ABCB9: variants seen among roughly 807,000 people sequenced by gnomAD.
ABCB9 encodes ABC-type oligopeptide transporter ABCB9.
Under a neutral mutation model 62.0 loss-of-function variants are expected in ABCB9, and 36 were observed. The ratio of observed to expected loss-of-function variants is 0.58; its 90% CI spans 0.45 to 0.77. The LOEUF is 0.77. Among genes scored for constraint, ABCB9 ranks in the 30% least tolerant of loss-of-function variants. The pLI, the probability that ABCB9 is intolerant of heterozygous loss-of-function variation, is 0.00. For synonymous variants in ABCB9, 435 were observed against 461.4 expected, an observed-to-expected ratio of 0.94 and a Z score of 0.73; for missense variants, 943 against 1,054.7, an observed-to-expected ratio of 0.89 and a Z score of 1.47.
At chr12:122,963,556 C>T (rs1276782405) in intron 1 of ABCB9, among the ~76,000 whole-genome samples, 1 of 152,060 alleles carries the variant, frequency 6.6e-6, no homozygotes, top group Non-Finnish European at 1.5e-5. Context: ...CTAGGTGACC[C>T]ACAGAGTTGG....
chr12:122,948,962 G>A, intron 4 of ABCB9, 133 bp from the exon 5 acceptor site: 1 of 693,054 alleles, frequency 1.4e-6, no homozygotes, highest in Admixed American at 3.4e-5. Flanking sequence ...TTGGGGGGTG[G>A]GGGAGAAGAG....
chr12:122,950,413 G>C (rs2036297723), intron 3 of ABCB9, 38 bp downstream of exon 3: 1 of 1,563,560 alleles, frequency 6.4e-7, no homozygotes, highest in Admixed American at 1.7e-5. Context: ...GTGCAGGTCG[G>C]GGTGTGCGGG....
At chr12:122,923,651 C>T (rs993356889) in intron 11 of ABCB9, among the ~76,000 whole-genome samples, 1 of 152,166 alleles carries the variant, frequency 6.6e-6, no homozygotes, top group African/African-American at 2.4e-5. Context: ...GAGCAACGGT[C>T]CTTAACTCAG....
chr12:122,950,446 G>A lies in ABCB9; in HGVS notation c.716+5C>T. On this transcript the variant is annotated splice_donor_5th_base_variant and intron_variant, in intron 3 of 11. Transcript: ENST00000280560. Reference sequence around the variant, plus strand: ...GGGGCAGGGCGTGGGGGTTGAGCCAGCTACCTGCCAATGGCCAGCAGGCAC... The same window carrying A: ...GGGGCAGGGCGTGGGGGTTGAGCCAACTACCTGCCAATGGCCAGCAGGCAC... The A allele has an allele frequency of 6.2e-7, 1 of 1,608,058 alleles. No individual in the cohort carries two copies.
chr12:122,935,511 C>A (rs2035417348), intron 9 of ABCB9, 80 bp from the exon 10 acceptor site: 2 of 1,504,998 alleles, frequency 1.3e-6, no homozygotes, highest in Admixed American at 4.0e-5. Context: ...CTGCCTGGGG[C>A]CTGGAGACAC....
chr12:122,922,638 C>T (rs1412412307), intron 11 of ABCB9, among the ~76,000 whole-genome samples: 1 of 152,240 alleles, frequency 6.6e-6, no homozygotes, highest in Admixed American at 6.5e-5. Context: ...CTTGGCCTCC[C>T]AAAGTGCTGG....
At chr12:122,948,422 T>C (rs978417861) in intron 5 of ABCB9, 9 of 520,658 alleles carry the variant, frequency 1.7e-5, no homozygotes, top group Non-Finnish European at 3.3e-6. Flanking sequence ...CTTGTCTTTT[T>C]CACTGATGTA....
At chr12:122,954,007 T>C (rs1017627251) in intron 2 of ABCB9, among the ~76,000 whole-genome samples, 1 of 152,110 alleles carries the variant, frequency 6.6e-6, no homozygotes, top group Non-Finnish European at 1.5e-5. Flanking sequence ...ATGAAATCCA[T>C]ATTAAAGAAT....
chr12:122,921,146 G>T, intron 11 of ABCB9: 1 of 1,178,308 alleles, frequency 8.5e-7, no homozygotes, highest in Non-Finnish European at 1.2e-6. Context: ...TGGGCGTGAT[G>T]GGGCACACCT....
intron 1 of ABCB9, among the ~76,000 whole-genome samples, chr12:122,973,605 A>AAAAAAAAAC: frequency 7.0e-6 from 1 of 142,896 alleles, no homozygotes; most frequent in Non-Finnish European, 1.5e-5. Context: ...AAAAAAAAAA[A>AAAAAAAAAC]AAAACAAAAA....
At chr12:122,967,745 T>A (rs1214466990), upstream of ABCB9, among the ~76,000 whole-genome samples, 4 of 152,170 alleles carry the variant, frequency 2.6e-5, no homozygotes, top group Non-Finnish European at 4.4e-5. Context: ...CTCCTTGGCC[T>A]TCCAAACTGC....
intron 2 of ABCB9, among the ~76,000 whole-genome samples, chr12:122,957,769 A>G (rs945376024): frequency 5.0e-5 from 7 of 141,366 alleles, no homozygotes; most frequent in African/African-American, 1.9e-4. Context: ...ATGAGCCACC[A>G]TGCCTGCCCA....
At chr12:122,954,135 T>A (rs1417450657) in intron 2 of ABCB9, among the ~76,000 whole-genome samples, 2 of 147,480 alleles carry the variant, frequency 1.4e-5, no homozygotes, top group African/African-American at 2.5e-5. Flanking sequence ...TCCACTGTAC[T>A]CCATCCAGCC....
At position 122,944,640 on chromosome 12, in the gene ABCB9, GC is replaced by G; in HGVS notation, c.1252-122del. The G allele has an allele frequency of 7.1e-7, 1 of 1,409,316 alleles. No homozygotes were observed. Among genetic ancestry groups the G allele is most frequent in the Non-Finnish European group, 9.5e-7 (1 of 1,048,554 alleles). 87.3% of individuals were successfully genotyped at this position (1,409,316 alleles called of 1,614,324 possible). A position where few individuals can be genotyped will look rare whatever the true frequency, so the allele number is the denominator to read the frequency against. The stretch of plus-strand genomic sequence containing the variant: ...GGCAGACCCAGCCACAAACTGAAAT[GC>G]CGGCCGTTGGCAGGGGTGTCTTCCA... On this transcript the variant is annotated intron_variant, in intron 6 of 11. Coordinates refer to ENST00000280560, the MANE Select transcript of ABCB9 (RefSeq NM_019625.4). This position sits in a 1 kb window ranked among gnomAD's most constrained non-coding sequence, Gnocchi z 4.9.
At chr12:122,951,212 T>A (rs2036350476) in intron 2 of ABCB9, among the ~76,000 whole-genome samples, 1 of 151,592 alleles carries the variant, frequency 6.6e-6, no homozygotes, top group Admixed American at 6.6e-5. Flanking sequence ...GAAAAATTAA[T>A]TTGTTTTTCT....
rs189625629 is a variant in ABCB9, at chr12:122,932,291, C to G, written c.1941G>C (p.Gln647His). Residue 647 changes from glutamine to histidine, a missense_variant, in exon 11 of 12, where the codon CAG (glutamine) becomes CAC (histidine). By Grantham distance (24) the Gln-to-His change is conservative. Transcript: ENST00000280560. The surrounding 1 kb of genome is among the most constrained non-coding windows in gnomAD (Gnocchi z 4.7). The stretch of plus-strand genomic sequence containing the variant: ...CCCGGGCCATGGCCACCCGCTGCTT[C>G]TGGCCACCTGACAGCTGGGCGCCCT... ...GEKGAQLSGG[Q>H]KQRVAMARAL... The G allele has an allele frequency of 2.6e-6, 4 of 1,551,338 alleles. No homozygotes were observed. In the African/African-American group the frequency reaches 5.5e-5, roughly 21 times the overall value.
chr12:122,960,870 C>A (rs2036856552), intron 1 of ABCB9, among the ~76,000 whole-genome samples: 2 of 151,530 alleles, frequency 1.3e-5, no homozygotes, highest in Admixed American at 1.3e-4. Flanking sequence ...CAGGGTGAGA[C>A]CCTGTCTTTA....
chr12:122,946,383 C>T, intron 5 of ABCB9, 161 bp from the exon 6 acceptor site: 1 of 682,092 alleles, frequency 1.5e-6, no homozygotes, highest in Non-Finnish European at 2.5e-6. Flanking sequence ...TCTCCCCCAT[C>T]CCCTTCTGGC....
rs1276576903 is a variant in ABCB9, at chr12:122,932,212, C to G, written c.2020G>C (p.Asp674His). ...LILDEATSAL[D>H]AESEYLIQQA... The stretch of plus-strand genomic sequence containing the variant: ...CTCACCAGATACTCGCTCTCGGCAT[C>G]CAAAGCGCTGGTGGCTTCATCCAGG... Residue 674 changes from aspartate to histidine, a missense_variant, in exon 11 of 12, where the codon GAT (aspartate) becomes CAT (histidine). Coordinates refer to ENST00000280560, the MANE Select transcript of ABCB9 (RefSeq NM_019625.4). The surrounding 1 kb of genome is among the most constrained non-coding windows in gnomAD (Gnocchi z 4.7). 1 of 1,552,938 alleles carries G rather than the reference C, an allele frequency of 6.4e-7. No individual in the cohort carries two copies. The highest frequency in any genetic ancestry group is 8.7e-7 in the Non-Finnish European group (1 of 1,147,976).
Sources: gnomAD v4.1 joint callset for allele counts (sites outside exome capture counted in the v4.1 genomes callset) on GRCh38, gnomAD v4.1.1 for gene constraint, Gnocchi (gnomAD v3.1) non-coding constraint, MANE v1.5 for transcripts, NCBI Gene and HGNC (gene_info 2026-07-23, HGNC 2026-07-21) for gene names.